The following MGMT variants were observed in gnomAD, a reference collection of about 807,000 sequenced individuals.
MGMT encodes O-6-methylguanine-DNA methyltransferase.
Under a neutral mutation model 15.9 loss-of-function variants are expected in MGMT, and 14 were observed. The ratio of observed to expected loss-of-function variants is 0.88; its 90% CI spans 0.58 to 1.37. MGMT has a LOEUF of 1.37. MGMT is among the 40% of genes most tolerant of loss of function. MGMT has a pLI of 0.00. For missense variants in MGMT, 282 were observed against 268.1 expected, an observed-to-expected ratio of 1.05 and a Z score of -0.36; for synonymous variants, 130 against 118.2, an observed-to-expected ratio of 1.10 and a Z score of -0.65.
intron 1 of MGMT, among the ~76,000 whole-genome samples, chr10:129,514,910 C>T (rs534621674): frequency 1.5e-4 from 23 of 152,214 alleles, no homozygotes; most frequent in South Asian, 4.1e-4. Context: ...ATGCCCCACC[C>T]GGAGATGGCC....
At chr10:129,518,578 C>T (rs1589846327) in intron 1 of MGMT, among the ~76,000 whole-genome samples, 1 of 32,722 alleles carries the variant, frequency 3.1e-5, no homozygotes, top group East Asian at 6.1e-4. Context: ...CCCTCCCCCT[C>T]CCCAGCCTAC....
At chr10:129,467,324 G>T in intron 1 of MGMT, 28 bp downstream of exon 1, 1 of 1,531,280 alleles carries the variant, frequency 6.5e-7, no homozygotes, top group Non-Finnish European at 8.8e-7. Context: ...CTCGCTCCCG[G>T]AAGAGTGCGG....
chr10:129,721,811 T>A (rs1395637959), intron 3 of MGMT, among the ~76,000 whole-genome samples: 1,338 of 116,370 alleles, frequency 0.011, 18 homozygotes, highest in African/African-American at 0.039. Context: ...GCTAATTCTT[T>A]TATTAGAATT....
At chr10:129,740,564 C>T (rs1216984353) in intron 3 of MGMT, among the ~76,000 whole-genome samples, 1 of 152,214 alleles carries the variant, frequency 6.6e-6, no homozygotes, top group Non-Finnish European at 1.5e-5. Context: ...CCTCAGATGG[C>T]ACTTACTGTT....
intron 2 of MGMT, among the ~76,000 whole-genome samples, chr10:129,622,835 T>C (rs1467099415): frequency 6.6e-6 from 1 of 152,134 alleles, no homozygotes; most frequent in Admixed American, 6.5e-5. Context: ...GTTGAGGGGC[T>C]TCGTCACATG....
At chr10:129,707,682 C>T (rs535018263) in intron 2 of MGMT, among the ~76,000 whole-genome samples, 42 of 152,294 alleles carry the variant, frequency 2.8e-4, no homozygotes, top group African/African-American at 8.9e-4. Context: ...TCAGAACACA[C>T]GTCCTGGGAG....
chr10:129,504,628 A>G (rs895366332), intron 1 of MGMT, among the ~76,000 whole-genome samples: 2 of 152,148 alleles, frequency 1.3e-5, no homozygotes, highest in East Asian at 1.9e-4. Context: ...CAAATTCTCA[A>G]TAACCCCCTC....
Position 129,723,156 on chromosome 10 carries a change from A to C in MGMT, c.274+15113A>C, listed in dbSNP as rs76513787. Among the ~76,000 whole-genome samples the C allele has an allele frequency of 9.4e-3, 1,423 of 152,174 alleles. 67 individuals carry two copies. Among genetic ancestry groups the C allele is most frequent in the Admixed American group, 0.065 (989 of 15,278 alleles). On this transcript the variant is annotated intron_variant, in intron 3 of 4. Coordinates refer to ENST00000651593, the MANE Select transcript of MGMT (RefSeq NM_002412.5). Reference sequence around the variant, plus strand: ...TTATTTCCATAGGTTTTTGGGGAACAGATGGTATTTGGTTACATGAGTAAG... The same window carrying C: ...TTATTTCCATAGGTTTTTGGGGAACCGATGGTATTTGGTTACATGAGTAAG...
intron 2 of MGMT, among the ~76,000 whole-genome samples, chr10:129,656,976 G>A (rs1481007384): frequency 1.3e-5 from 2 of 152,058 alleles, no homozygotes; most frequent in Admixed American, 6.5e-5. Flanking sequence ...AGAAGGCAGC[G>A]AAAATAGTGC....
intron 3 of MGMT, among the ~76,000 whole-genome samples, chr10:129,711,198 C>G (rs77707162): frequency 3.9e-5 from 6 of 152,288 alleles, no homozygotes; most frequent in Admixed American, 3.9e-4. Flanking sequence ...CTCTCTGGAA[C>G]GAACATGCTG....
intron 3 of MGMT, among the ~76,000 whole-genome samples, chr10:129,729,366 T>C (rs1387667761): frequency 6.6e-6 from 1 of 152,170 alleles, no homozygotes. Context: ...CTGCCCTCAA[T>C]GACTTTGCAA....
chr10:129,698,171 G>A (rs1412080448), intron 2 of MGMT, among the ~76,000 whole-genome samples: 1 of 152,200 alleles, frequency 6.6e-6, no homozygotes, highest in Admixed American at 6.5e-5. Flanking sequence ...ACTGCAAGGT[G>A]TGCAGTTTGG....
intron 2 of MGMT, among the ~76,000 whole-genome samples, chr10:129,546,720 G>A (rs1589860162): frequency 6.6e-6 from 1 of 152,116 alleles, no homozygotes; most frequent in Non-Finnish European, 1.5e-5. Context: ...CCTCTCCATG[G>A]CAGAGCACAG....
chr10:129,671,848 C>T (rs1429728419), intron 2 of MGMT, among the ~76,000 whole-genome samples: 3 of 152,182 alleles, frequency 2.0e-5, no homozygotes, highest in Non-Finnish European at 4.4e-5. Flanking sequence ...ACTGTGTGTT[C>T]ACCAGTTGCA....
intron 1 of MGMT, among the ~76,000 whole-genome samples, chr10:129,519,898 C>A (rs890699559): frequency 6.6e-6 from 1 of 152,066 alleles, no homozygotes; most frequent in Non-Finnish European, 1.5e-5. Context: ...TTAGAAAATT[C>A]CAGCCAGGCA....
intron 2 of MGMT, among the ~76,000 whole-genome samples, chr10:129,588,774 G>T (rs970565750): frequency 2.0e-5 from 3 of 152,246 alleles, no homozygotes; most frequent in Non-Finnish European, 4.4e-5. Context: ...TGGAAAACAC[G>T]CAGCATCATG....
intron 2 of MGMT, among the ~76,000 whole-genome samples, chr10:129,658,191 C>T (rs1240992769): frequency 6.6e-6 from 1 of 152,166 alleles, no homozygotes; most frequent in Non-Finnish European, 1.5e-5. Flanking sequence ...TTCTGGCTCC[C>T]GCTGCAGCAG....
At chr10:129,539,675 T>A (rs1486193011) in intron 2 of MGMT, among the ~76,000 whole-genome samples, 1 of 152,100 alleles carries the variant, frequency 6.6e-6, no homozygotes, top group African/African-American at 2.4e-5. Context: ...CCCGGCTAAA[T>A]TTTTGTATAT....
At chr10:129,555,712 C>T (rs1366189392) in intron 2 of MGMT, among the ~76,000 whole-genome samples, 2 of 148,536 alleles carry the variant, frequency 1.3e-5, no homozygotes, top group Non-Finnish European at 3.0e-5. Context: ...GAGACCCTGT[C>T]TCTAAAAAAA....
Sources: gnomAD v4.1 joint callset for allele counts (sites outside exome capture counted in the v4.1 genomes callset) on GRCh38, gnomAD v4.1.1 for gene constraint, MANE v1.5 for transcripts, NCBI Gene and HGNC (gene_info 2026-07-23, HGNC 2026-07-21) for gene names.